The following FGGY variants were observed in gnomAD, a reference collection of about 807,000 sequenced individuals.
FGGY encodes FGGY carbohydrate kinase domain-containing protein.
Under a neutral mutation model 71.3 loss-of-function variants are expected in FGGY, and 72 were observed. The observed-to-expected ratio is 1.01, with a 90% CI of 0.84 to 1.23. The LOEUF (loss-of-function observed/expected upper bound fraction) is 1.23, where lower values mean the gene tolerates loss of function less well. Ranked by LOEUF, FGGY falls within the 50% of genes most tolerant of loss-of-function variation. FGGY has a pLI of 0.00. For missense variants in FGGY, 668 were observed against 682.3 expected (o/e 0.98, Z 0.23); for synonymous variants, 251 against 250.3 (o/e 1.00, Z -0.02).
chr1:59,619,624 G>A (rs1313628659), intron 9 of FGGY, among the ~76,000 whole-genome samples: 1 of 152,088 alleles, frequency 6.6e-6, no homozygotes, highest in Non-Finnish European at 1.5e-5. Context: ...ATGCGGCAGA[G>A]TGAACCAAAA....
At chr1:59,614,740 C>G (rs866786230) in intron 9 of FGGY, among the ~76,000 whole-genome samples, 48 of 152,090 alleles carry the variant, frequency 3.2e-4, no homozygotes, top group African/African-American at 1.1e-3. Flanking sequence ...GATTGTATAT[C>G]TAGAAAACCC....
At chr1:59,543,792 GTTTGT>G (rs1254570130) in intron 7 of FGGY, among the ~76,000 whole-genome samples, 1 of 151,848 alleles carries the variant, frequency 6.6e-6, no homozygotes, top group Non-Finnish European at 1.5e-5. Context: ...CATCTCACTG[GTTTGT>G]TTTATGTTTT....
intron 6 of FGGY, among the ~76,000 whole-genome samples, chr1:59,497,778 T>C (rs1022452518): frequency 1.3e-5 from 2 of 152,200 alleles, no homozygotes; most frequent in Non-Finnish European, 1.5e-5. Context: ...CCCATGTCAG[T>C]TGGCTCACCC....
At chr1:59,741,739 G>A (rs1028649444) in intron 14 of FGGY, among the ~76,000 whole-genome samples, 11 of 151,948 alleles carry the variant, frequency 7.2e-5, no homozygotes, top group South Asian at 4.2e-4. Context: ...GATCAAGACC[G>A]TCCTGGCTAA....
chr1:59,360,286 T>C (rs1355233481), intron 4 of FGGY, among the ~76,000 whole-genome samples: 1 of 151,988 alleles, frequency 6.6e-6, no homozygotes, highest in Non-Finnish European at 1.5e-5. Flanking sequence ...CTGAGAGAGA[T>C]GAGAAGAGAA....
intron 14 of FGGY, among the ~76,000 whole-genome samples, chr1:59,747,173 C>G (rs1474036756): frequency 2.0e-5 from 3 of 152,198 alleles, no homozygotes; most frequent in Non-Finnish European, 4.4e-5. Flanking sequence ...GTTTTGGAAC[C>G]TATCATCTGT....
At chr1:59,565,843 A>C (rs1438981395) in intron 8 of FGGY, among the ~76,000 whole-genome samples, 1 of 152,138 alleles carries the variant, frequency 6.6e-6, no homozygotes, top group Non-Finnish European at 1.5e-5. Flanking sequence ...CTTCCTTTCA[A>C]GAAGCCACCA....
intron 8 of FGGY, among the ~76,000 whole-genome samples, chr1:59,600,073 C>T (rs1056482572): frequency 6.6e-6 from 1 of 152,196 alleles, no homozygotes; most frequent in East Asian, 1.9e-4. Context: ...TAAGAGAGTA[C>T]AGGATGGAGG....
intron 14 of FGGY, among the ~76,000 whole-genome samples, chr1:59,687,567 C>T (rs1418786388): frequency 3.3e-5 from 5 of 151,716 alleles, no homozygotes; most frequent in East Asian, 1.9e-4. Flanking sequence ...CCTGGGTTCA[C>T]GCCATTCTCC....
intron 8 of FGGY, among the ~76,000 whole-genome samples, chr1:59,581,430 T>A (rs945986219): frequency 2.0e-5 from 3 of 149,948 alleles, no homozygotes; most frequent in African/African-American, 7.6e-5. Context: ...GGTCACCAGC[T>A]TAAATAGCAC....
At chr1:59,450,296 T>C (rs1381766405) in intron 5 of FGGY, among the ~76,000 whole-genome samples, 2 of 152,218 alleles carry the variant, frequency 1.3e-5, no homozygotes, top group African/African-American at 4.8e-5. Context: ...TTTCATATCT[T>C]CCTGTGATTT....
chr1:59,387,156 T>A (rs2060167226), intron 5 of FGGY, among the ~76,000 whole-genome samples: 1 of 152,166 alleles, frequency 6.6e-6, no homozygotes, highest in Non-Finnish European at 1.5e-5. Context: ...GGGTTATTGA[T>A]CTGTAGTCAT....
intron 14 of FGGY, among the ~76,000 whole-genome samples, chr1:59,681,221 G>C (rs1256670519): frequency 6.6e-6 from 1 of 152,188 alleles, no homozygotes; most frequent in Admixed American, 6.5e-5. Context: ...AAGTACAATA[G>C]ATTAAGGAAT....
chr1:59,515,653 C>T (rs764702855), intron 7 of FGGY, among the ~76,000 whole-genome samples: 1 of 152,172 alleles, frequency 6.6e-6, no homozygotes, highest in Non-Finnish European at 1.5e-5. Flanking sequence ...ATGCTGTTCT[C>T]GTGATAGTAA....
At chr1:59,673,354 G>A (rs2097399939) in intron 13 of FGGY, among the ~76,000 whole-genome samples, 1 of 152,096 alleles carries the variant, frequency 6.6e-6, no homozygotes, top group African/African-American at 2.4e-5. Context: ...AAGTGTTCCA[G>A]ACAGGGAACA....
intron 8 of FGGY, among the ~76,000 whole-genome samples, chr1:59,576,701 C>CAT (rs1279877469): frequency 6.6e-6 from 1 of 151,798 alleles, no homozygotes; most frequent in East Asian, 1.9e-4. Context: ...CACACACACA[C>CAT]ACACACACAC....
intron 5 of FGGY, among the ~76,000 whole-genome samples, chr1:59,382,335 G>A (rs976539012): frequency 1.3e-5 from 2 of 152,180 alleles, no homozygotes; most frequent in Admixed American, 1.3e-4. Context: ...CATTTCAGAA[G>A]CATGTCATTC....
At chr1:59,359,545 ATGATG>A (rs887638044) in intron 4 of FGGY, among the ~76,000 whole-genome samples, 4 of 152,170 alleles carry the variant, frequency 2.6e-5, no homozygotes, top group Admixed American at 2.6e-4. Context: ...GAATGACTAA[ATGATG>A]GAATGAGTTC....
intron 14 of FGGY, among the ~76,000 whole-genome samples, chr1:59,739,608 G>C (rs910373410): frequency 3.9e-5 from 6 of 152,262 alleles, no homozygotes; most frequent in African/African-American, 1.4e-4. Context: ...GCTCTCTTGG[G>C]CAGGCCACAT....
Sources: gnomAD v4.1 joint callset for allele counts (sites outside exome capture counted in the v4.1 genomes callset) on GRCh38, gnomAD v4.1.1 for gene constraint, MANE v1.5 for transcripts, NCBI Gene and HGNC (gene_info 2026-07-23, HGNC 2026-07-21) for gene names.